MMP8: variants seen among roughly 807,000 people sequenced by gnomAD.
MMP8 encodes matrix metallopeptidase 8.
MMP8 carries 67 observed loss-of-function variants against 51.2 expected under a neutral mutation model. That is an observed-to-expected ratio of 1.31 (90% CI 1.08 to 1.60). The LOEUF is 1.60. Among genes scored for constraint, MMP8 ranks in the 40% most tolerant of loss-of-function variants. MMP8 has a pLI of 0.00. For missense variants in MMP8, 654 were observed against 558.1 expected (o/e 1.17, Z -1.73); for synonymous variants, 225 against 191.0 (o/e 1.18, Z -1.47).
Position 102,713,290 on chromosome 11 carries a change from G to T in MMP8, c.*58C>A. The T allele has an allele frequency of 2.5e-6, 3 of 1,179,744 alleles. No homozygotes were observed. The highest frequency in any genetic ancestry group is 1.2e-5 in the South Asian group (1 of 81,756). The allele number at this position is 1,179,744 out of a possible 1,614,324, so 73.1% of individuals were successfully genotyped here. On this transcript the variant is annotated 3_prime_UTR_variant, in exon 10 of 10. Coordinates refer to ENST00000236826, the MANE Select transcript of MMP8 (RefSeq NM_002424.3). ...AAGCAGGACACAATGTAACGAAAAT[G>T]CTTGCTGAACTTCCCTTCAACATTC...
In MMP8 at chr11:102,712,969, C is replaced by T. The variant is rs1404745916; in HGVS notation, c.*379G>A. 2 of 163,360 alleles carry T rather than the reference C, an allele frequency of 1.2e-5. No homozygotes were observed. The highest frequency in any genetic ancestry group is 2.6e-5 in the Non-Finnish European group (2 of 75,508). 10.1% of individuals were successfully genotyped at this position (163,360 alleles called of 1,614,324 possible). ...CTAACCAAAATCTAGTTCTAAATTG[C>T]ATGTAGAAGATATACATAGGACATT... On this transcript the variant is annotated 3_prime_UTR_variant, in exon 10 of 10. Coordinates refer to ENST00000236826, the MANE Select transcript of MMP8 (RefSeq NM_002424.3).
rs1861182045 is a variant in MMP8 at position 102,713,388 on chromosome 11, A to G, written c.1364T>C (p.Val455Ala). Residue 455 changes from valine to alanine, a missense_variant, in exon 10 of 10, where the codon GTT becomes GCT. Coordinates refer to ENST00000236826, the MANE Select transcript of MMP8 (RefSeq NM_002424.3). ...FDLIAQRVTR[V>A]ARGNKWLNCR... is the part of the protein sequence containing the mutation. ...GTTAAGCCATTTATTGCCTCTTGCA[A>G]CTCTGGTAACTCTCTGAGCAATAAG... 8 of 1,613,546 alleles carry G rather than the reference A, an allele frequency of 5.0e-6. No homozygotes were observed. The highest frequency in any genetic ancestry group is 1.1e-5 in the South Asian group (1 of 91,078).
chr11:102,723,155 T>C, intron 1 of MMP8: 1 of 712,254 alleles, frequency 1.4e-6, no homozygotes, highest in African/African-American at 1.8e-5. Flanking sequence ...CCATGTTGCC[T>C]CTCAAATGAG....
Position 102,718,430 on chromosome 11 carries a change from G to A in MMP8, c.768C>T (p.Gly256=), listed in dbSNP as rs771603425. The change falls in exon 5 of 10, where the codon GGC becomes GGT. Residue 256 remains glycine (G), a synonymous_variant. Transcript: ENST00000236826. ...NYSLPQDDID[G]IQAIYGLSSN... ...AGACCTTACCATAGATGGCCTGAATGCCATCGATGTCATCTTGAGGGAGTG... is the reference window on the plus strand; with the variant it reads ...AGACCTTACCATAGATGGCCTGAATACCATCGATGTCATCTTGAGGGAGTG... 2.0e-4 allele frequency: 319 copies of A among 1,611,890 alleles called. No individual in the cohort carries two copies. Among genetic ancestry groups the A allele is most frequent in the Non-Finnish European group, 1.4e-4 (167 of 1,178,998 alleles).
intron 4 of MMP8, among the ~76,000 whole-genome samples, chr11:102,721,032 A>G (rs1468032240): frequency 1.3e-5 from 2 of 152,164 alleles, no homozygotes; most frequent in African/African-American, 4.8e-5. Flanking sequence ...CCATGTTGCA[A>G]TTACTCAGCT....
In MMP8 at chr11:102,713,421, G is replaced by A. The variant is rs746811210; in HGVS notation, c.1331C>T (p.Ala444Val). Residue 444 changes from alanine to valine, a missense_variant, in exon 10 of 10, where the codon GCA (alanine) becomes GTA (valine). By Grantham distance (64) the Ala-to-Val change is moderately conservative. Transcript: ENST00000236826. The stretch of plus-strand genomic sequence containing the variant: ...AACTCTCTGAGCAATAAGATCAAAT[G>A]CGTAATATCTTGGTCCACTGAAGAC... The part of the protein sequence containing the change: ...FHVFSGPRYY[A>V]FDLIAQRVTR... 1.9e-6 allele frequency: 3 copies of A among 1,613,404 alleles called. No homozygotes were observed. The highest frequency in any genetic ancestry group is 1.3e-5 in the African/African-American group (1 of 74,874).
intron 7 of MMP8, 121 bp downstream of exon 7, chr11:102,715,183 C>T: frequency 7.9e-7 from 1 of 1,270,570 alleles, no homozygotes; most frequent in Non-Finnish European, 1.1e-6. Flanking sequence ...AGTCTTCTGG[C>T]AAAAGCCTGG....
chr11:102,712,388 A>AC lies in MMP8; in HGVS notation c.*959dup, dbSNP rs1328106387. 1.3e-5 allele frequency: 2 copies of AC among 151,382 alleles called. No individual in the cohort carries two copies. The highest frequency in any genetic ancestry group is 4.9e-5 in the African/African-American group (2 of 41,096). 9.4% of individuals were successfully genotyped at this position (151,382 alleles called of 1,614,324 possible). On this transcript the variant is annotated 3_prime_UTR_variant, in exon 10 of 10. Coordinates refer to ENST00000236826, the MANE Select transcript of MMP8 (RefSeq NM_002424.3). ...GATTCATTTTCATATGTGTAGATGT[A>AC]CTGTGTCTAGTACCTCATGTCTAGG...
At chr11:102,716,990 T>C (rs1196007432) in intron 5 of MMP8, among the ~76,000 whole-genome samples, 1 of 152,152 alleles carries the variant, frequency 6.6e-6, no homozygotes, top group Admixed American at 6.6e-5. Flanking sequence ...AATTGGGGAA[T>C]AGAGGCAGTT....
At chr11:102,720,046 G>A (rs2012390) in intron 4 of MMP8, among the ~76,000 whole-genome samples, 113,424 of 152,094 alleles carry the variant, frequency 0.75, 42,418 homozygotes, top group Middle Eastern at 0.78. Context: ...TGAGGAAGAT[G>A]AAAAGCATAG....
chr11:102,724,068 G>A, intron 1 of MMP8: 1 of 156,896 alleles, frequency 6.4e-6, no homozygotes, highest in South Asian at 1.8e-4. Context: ...TAACCCGGGG[G>A]TTACAATTAA....
Position 102,721,782 on chromosome 11 carries a change from A to T in MMP8, c.348-20T>A, listed in dbSNP as rs370261569. On this transcript the variant is annotated intron_variant, in intron 2 of 9. Transcript: ENST00000236826. ...CGAATCCTTCAAAATGAGAGGATGT[A>T]TGAAGAGTTAAATGTTATTTAGAAC... is the stretch of plus-strand genomic sequence containing the variant. The T allele has an allele frequency of 6.2e-7, 1 of 1,612,442 alleles. No homozygotes were observed. Among genetic ancestry groups the T allele is most frequent in the African/African-American group, 1.3e-5 (1 of 74,862 alleles).
At chr11:102,721,787 G>A (rs1861481578) in intron 2 of MMP8, 25 bp from the exon 3 acceptor site, 2 of 1,611,884 alleles carry the variant, frequency 1.2e-6, no homozygotes, top group Non-Finnish European at 1.7e-6. Flanking sequence ...GATGTATGAA[G>A]AGTTAAATGT....
intron 6 of MMP8, among the ~76,000 whole-genome samples, 184 bp from the exon 7 acceptor site, chr11:102,715,621 T>C (rs572064231): frequency 1.3e-5 from 2 of 152,340 alleles, no homozygotes; most frequent in Non-Finnish European, 2.9e-5. Context: ...ATATTGTCCA[T>C]CTGGCAAGTA....
chr11:102,713,898 G>C (rs375271364), intron 8 of MMP8, 41 bp from the exon 9 acceptor site: 23 of 1,469,430 alleles, frequency 1.6e-5, no homozygotes, highest in Non-Finnish European at 1.9e-5. Context: ...CACCAATACA[G>C]AATATAACGA....
At chr11:102,718,872 T>G (rs1861387020) in intron 4 of MMP8, among the ~76,000 whole-genome samples, 1 of 152,184 alleles carries the variant, frequency 6.6e-6, no homozygotes, top group Non-Finnish European at 1.5e-5. Context: ...CTTGGAGAAG[T>G]AATGGCAGAG....
chr11:102,713,472 A>C lies in MMP8; in HGVS notation c.1295-15T>G. On this transcript the variant is annotated splice_polypyrimidine_tract_variant and intron_variant, in intron 9 of 9. Transcript: ENST00000236826. ...ATGGAAGAAATCTATAAAAAAAGAG[A>C]GATAATTTATTGAATTAGCTTATAG... 1 of 1,581,098 alleles carries C rather than the reference A, an allele frequency of 6.3e-7. No individual in the cohort carries two copies. The highest frequency in any genetic ancestry group is 8.7e-7 in the Non-Finnish European group (1 of 1,150,432).
rs58774554 is a variant in MMP8 at position 102,714,762 on chromosome 11, TTATATATATATATATATATATATATATA to T, written c.1037-81_1037-54del. The T allele has an allele frequency of 4.7e-4, 83 of 176,642 alleles. 12 individuals are homozygous for T. The highest frequency in any genetic ancestry group is 2.1e-3 in the Middle Eastern group (1 of 468). 10.9% of individuals were successfully genotyped at this position (176,642 alleles called of 1,614,324 possible). ...ATACGACTTTTCCATTTTTACAAAA[TTATATATATATATATATATATATATATA>T]TATATATATATATATACCACTTCTT... On this transcript the variant is annotated intron_variant, in intron 7 of 9. Transcript: ENST00000236826.
At chr11:102,719,228 C>G (rs1391430744) in intron 4 of MMP8, among the ~76,000 whole-genome samples, 1 of 152,188 alleles carries the variant, frequency 6.6e-6, no homozygotes, top group Non-Finnish European at 1.5e-5. Flanking sequence ...CAGGATCTCA[C>G]TTCCTATCAA....
Sources: allele counts gnomAD v4.1 joint callset (sites outside exome capture counted in the v4.1 genomes callset), GRCh38; gene constraint gnomAD v4.1.1; transcripts MANE v1.5; gene names NCBI Gene and HGNC (gene_info 2026-07-23, HGNC 2026-07-21).